The following CSMD1 variants were observed in gnomAD, a reference collection of about 807,000 sequenced individuals.
CSMD1 encodes CUB and Sushi multiple domains 1.
Under a neutral mutation model 417.5 loss-of-function variants are expected in CSMD1, and 213 were observed. The observed-to-expected ratio is 0.51, with a 90% CI of 0.46 to 0.57. CSMD1 has a LOEUF of 0.57. Ranked by LOEUF, CSMD1 falls within the 20% of genes least tolerant of loss-of-function variation. CSMD1 has a pLI of 0.00. For missense variants in CSMD1, 6,923 were observed against 4,529.7 expected (o/e 1.53, Z -15.17); for synonymous variants, 2,862 against 1,736.8 (o/e 1.65, Z -16.11).
At chr8:4,684,224 C>A (rs549350692) in intron 1 of CSMD1, among the ~76,000 whole-genome samples, 109 of 152,302 alleles carry the variant, frequency 7.2e-4, no homozygotes, top group Non-Finnish European at 1.4e-3. Flanking sequence ...AGTGGATTTT[C>A]TTCTTTATAC....
At chr8:3,158,293 A>C (rs1194146488) in intron 38 of CSMD1, among the ~76,000 whole-genome samples, 1 of 151,570 alleles carries the variant, frequency 6.6e-6, no homozygotes, top group African/African-American at 2.4e-5. Flanking sequence ...TTTTTCATTC[A>C]CCAGAATTTA....
At chr8:4,766,546 G>C (rs557056192) in intron 1 of CSMD1, among the ~76,000 whole-genome samples, 2 of 152,204 alleles carry the variant, frequency 1.3e-5, no homozygotes, top group African/African-American at 4.8e-5. Flanking sequence ...CAGGATAATT[G>C]AGAAATATGC....
intron 7 of CSMD1, among the ~76,000 whole-genome samples, chr8:3,706,565 G>C (rs889552147): frequency 6.6e-6 from 1 of 152,134 alleles, no homozygotes; most frequent in Admixed American, 6.5e-5. Context: ...ATGTCAATTT[G>C]TGTTCAGATG....
intron 10 of CSMD1, among the ~76,000 whole-genome samples, chr8:3,514,679 G>T (rs964036386): frequency 2.0e-5 from 3 of 151,890 alleles, no homozygotes; most frequent in Non-Finnish European, 2.9e-5. Flanking sequence ...TATCATATTT[G>T]TAGGTATCTT....
At chr8:4,597,283 A>T (rs1372250572) in intron 2 of CSMD1, among the ~76,000 whole-genome samples, 2 of 152,182 alleles carry the variant, frequency 1.3e-5, no homozygotes, top group Non-Finnish European at 2.9e-5. Context: ...TGAGAAATAG[A>T]TATCAATGTA....
At chr8:4,833,662 G>C (rs556409673) in intron 1 of CSMD1, among the ~76,000 whole-genome samples, 3 of 152,330 alleles carry the variant, frequency 2.0e-5, no homozygotes, top group African/African-American at 7.2e-5. Context: ...ACACTACGTA[G>C]AGTGTTGCCT....
intron 2 of CSMD1, among the ~76,000 whole-genome samples, chr8:4,632,374 G>A (rs949876390): frequency 2.1e-5 from 3 of 144,640 alleles, no homozygotes; most frequent in African/African-American, 5.3e-5. Flanking sequence ...TTAGCCAGGT[G>A]TGGTGGTGCA....
chr8:3,658,478 A>ATG (rs1187242881), intron 7 of CSMD1, among the ~76,000 whole-genome samples: 2 of 148,034 alleles, frequency 1.4e-5, no homozygotes. Flanking sequence ...ATATATATAT[A>ATG]TATTTAATTT....
Position 3,110,142 on chromosome 8 carries a change from TGA to T in CSMD1, c.6608+14_6608+15del. 6.3e-7 allele frequency: 1 copy of T among 1,583,286 alleles called. No individual in the cohort carries two copies. Among genetic ancestry groups the T allele is most frequent in the Non-Finnish European group, 8.6e-7 (1 of 1,162,132 alleles). ...GATCACAATTACAGATATTTTGACT[TGA>T]GAGGTTCTCATACCAAACAGCAATG... On this transcript the variant is annotated intron_variant, in intron 43 of 69. Coordinates refer to ENST00000635120, the MANE Select transcript of CSMD1 (RefSeq NM_033225.6).
intron 12 of CSMD1, among the ~76,000 whole-genome samples, chr8:3,443,734 T>C (rs1553180): frequency 0.043 from 6,517 of 152,296 alleles, 381 homozygotes; most frequent in East Asian, 0.21. Flanking sequence ...ATTGTGAATC[T>C]AGCAATGGAC....
intron 3 of CSMD1, among the ~76,000 whole-genome samples, chr8:4,245,142 A>T (rs1802628500): frequency 6.6e-6 from 1 of 152,224 alleles, no homozygotes; most frequent in Non-Finnish European, 1.5e-5. Flanking sequence ...TGTTCCATGG[A>T]AATGCCTGGG....
At chr8:3,792,473 G>C (rs2720784) in intron 5 of CSMD1, among the ~76,000 whole-genome samples, 3 of 152,148 alleles carry the variant, frequency 2.0e-5, no homozygotes, top group Non-Finnish European at 2.9e-5. Context: ...CTTACTTTTT[G>C]CCTTAAATGC....
At chr8:2,980,315 TCTCCTCCTCCTC>T (rs146468031) in intron 54 of CSMD1, among the ~76,000 whole-genome samples, 3 of 148,980 alleles carry the variant, frequency 2.0e-5, no homozygotes, top group South Asian at 4.3e-4. Context: ...TGCCACCATT[TCTCCTCCTCCTC>T]CTCCTCCTCC....
chr8:3,123,178 C>T (rs547753993), intron 41 of CSMD1, among the ~76,000 whole-genome samples: 5 of 152,274 alleles, frequency 3.3e-5, no homozygotes, highest in African/African-American at 1.2e-4. Context: ...AAATCAGCAT[C>T]TCTCTCTTTC....
intron 3 of CSMD1, among the ~76,000 whole-genome samples, chr8:4,416,830 C>T (rs1220770892): frequency 6.6e-6 from 1 of 152,024 alleles, no homozygotes; most frequent in Admixed American, 6.5e-5. Flanking sequence ...TTTTTTAATA[C>T]TTGAGATTTT....
chr8:4,684,900 A>G (rs1806275319), intron 1 of CSMD1, among the ~76,000 whole-genome samples: 2 of 152,200 alleles, frequency 1.3e-5, no homozygotes, highest in South Asian at 2.1e-4. Context: ...TTACTCAACA[A>G]AACTGTAAAA....
chr8:4,416,297 G>A (rs112481797), intron 3 of CSMD1, among the ~76,000 whole-genome samples: 3,766 of 152,012 alleles, frequency 0.025, 64 homozygotes, highest in Non-Finnish European at 0.037. Context: ...ATTAACTTCC[G>A]AAAAACCTTG....
chr8:4,748,914 C>T (rs914158361), intron 1 of CSMD1, among the ~76,000 whole-genome samples: 1 of 152,228 alleles, frequency 6.6e-6, no homozygotes, highest in African/African-American at 2.4e-5. Flanking sequence ...AGGTTCTCTG[C>T]TGCAGACACT....
intron 1 of CSMD1, among the ~76,000 whole-genome samples, chr8:4,695,381 T>C (rs1807061544): frequency 6.6e-6 from 1 of 152,192 alleles, no homozygotes; most frequent in African/African-American, 2.4e-5. Context: ...ACATGTGTTA[T>C]TTACACGCAT....
Sources: allele counts gnomAD v4.1 joint callset (sites outside exome capture counted in the v4.1 genomes callset), GRCh38; gene constraint gnomAD v4.1.1; transcripts MANE v1.5; gene names NCBI Gene and HGNC (gene_info 2026-07-23, HGNC 2026-07-21).